SLC12A8: variants seen among roughly 807,000 people sequenced by gnomAD.
The protein encoded by SLC12A8 is solute carrier family 12 member 8.
SLC12A8 carries 69 observed loss-of-function variants against 75.6 expected under a neutral mutation model. The observed-to-expected ratio is 0.91, with a 90% CI of 0.75 to 1.11. SLC12A8 has a LOEUF of 1.11. SLC12A8 is among the 50% of genes most tolerant of loss of function. The probability of loss-of-function intolerance (pLI) is 0.00; values close to 1 mark genes in which losing one functional copy is unlikely to be tolerated. For missense variants in SLC12A8, 877 were observed against 896.7 expected, an observed-to-expected ratio of 0.98 and a Z score of 0.28; for synonymous variants, 365 against 372.8, an observed-to-expected ratio of 0.98 and a Z score of 0.24.
At chr3:125,116,871 G>A (rs938582306) in intron 8 of SLC12A8, among the ~76,000 whole-genome samples, 3 of 152,214 alleles carry the variant, frequency 2.0e-5, no homozygotes, top group African/African-American at 7.2e-5. Flanking sequence ...TTCAATTCCT[G>A]TAATGCAGCC....
intron 4 of SLC12A8, among the ~76,000 whole-genome samples, chr3:125,183,583 A>G (rs1250658532): frequency 3.3e-5 from 5 of 152,174 alleles, no homozygotes; most frequent in Non-Finnish European, 7.3e-5. Flanking sequence ...GGATTAACAC[A>G]TATGTCCTGA....
At chr3:125,086,948 G>A (rs1400274397) in intron 13 of SLC12A8, among the ~76,000 whole-genome samples, 1 of 152,190 alleles carries the variant, frequency 6.6e-6, no homozygotes, top group Non-Finnish European at 1.5e-5. Flanking sequence ...GTGAAGAGTT[G>A]TCTTAAATAG....
chr3:125,193,924 C>T (rs1181536384), intron 2 of SLC12A8, among the ~76,000 whole-genome samples: 1 of 152,202 alleles, frequency 6.6e-6, no homozygotes, highest in Admixed American at 6.5e-5. Flanking sequence ...GGGTAGCTCT[C>T]TTTAGGACCT....
chr3:125,123,519 A>C (rs868759593), intron 6 of SLC12A8: 2 of 152,346 alleles, frequency 1.3e-5, no homozygotes, highest in African/African-American at 4.8e-5. Context: ...AGGCAGCTTT[A>C]ATTGACTCAC....
intron 10 of SLC12A8, among the ~76,000 whole-genome samples, chr3:125,105,885 C>T (rs1939008938): frequency 6.6e-6 from 1 of 152,130 alleles, no homozygotes; most frequent in Non-Finnish European, 1.5e-5. Flanking sequence ...CAAAAATTAG[C>T]TGGGTGTGGT....
At chr3:125,160,699 G>T (rs1173828990) in intron 5 of SLC12A8, among the ~76,000 whole-genome samples, 1 of 152,210 alleles carries the variant, frequency 6.6e-6, no homozygotes, top group Non-Finnish European at 1.5e-5. Context: ...AACTTAGCCT[G>T]CTGGTGGGCT....
chr3:125,192,252 C>T (rs1046478410), intron 2 of SLC12A8, among the ~76,000 whole-genome samples: 1 of 152,066 alleles, frequency 6.6e-6, no homozygotes, highest in African/African-American at 2.4e-5. Context: ...ACGGCAGCCC[C>T]GTGAGGCAGG....
At chr3:125,143,449 C>G (rs1259596332) in intron 5 of SLC12A8, among the ~76,000 whole-genome samples, 1 of 152,222 alleles carries the variant, frequency 6.6e-6, no homozygotes, top group African/African-American at 2.4e-5. Context: ...CTTCCTCGGA[C>G]CACAGTCTCC....
chr3:125,187,477 G>A (rs758144768), intron 3 of SLC12A8, 49 bp from the exon 4 acceptor site: 72 of 1,555,240 alleles, frequency 4.6e-5, no homozygotes, highest in African/African-American at 3.3e-4. Flanking sequence ...AGGAGGCCCC[G>A]CCAGCTCCCT....
At chr3:125,128,844 G>C (rs972697433) in intron 6 of SLC12A8, among the ~76,000 whole-genome samples, 7 of 152,148 alleles carry the variant, frequency 4.6e-5, no homozygotes, top group African/African-American at 1.2e-4. Context: ...CGCCTAGGAG[G>C]GGGGAATGGG....
At chr3:125,134,081 A>G (rs1453557315) in intron 6 of SLC12A8, among the ~76,000 whole-genome samples, 1 of 151,642 alleles carries the variant, frequency 6.6e-6, no homozygotes, top group East Asian at 1.9e-4. Context: ...AGATTCACCT[A>G]TATTGTTGTG....
chr3:125,107,614 G>A lies in SLC12A8; in HGVS notation c.1572C>T (p.Pro524=), dbSNP rs188430957. The change falls in exon 10 of 14, where the codon CCC becomes CCT. Residue 524 remains proline (P), a synonymous_variant. Transcript: ENST00000469902. ...SFPVEISDRL[P]AASWEGQESC... ...ACTCCTGCCCCTCCCAGGAGGCAGC[G>A]GGCAACCTGTCAGAGATCTCGACAG... 2.2e-5 allele frequency: 35 copies of A among 1,614,054 alleles called. No homozygotes were observed. Among genetic ancestry groups the A allele is most frequent in the African/African-American group, 2.1e-4 (16 of 74,926 alleles).
At chr3:125,198,388 C>G (rs1935046849) in intron 2 of SLC12A8, among the ~76,000 whole-genome samples, 1 of 152,134 alleles carries the variant, frequency 6.6e-6, no homozygotes, top group African/African-American at 2.4e-5. Context: ...AATCCCAGCA[C>G]TTTGGGAGGC....
intron 5 of SLC12A8, among the ~76,000 whole-genome samples, chr3:125,164,217 G>A (rs1934239248): frequency 6.6e-6 from 1 of 152,160 alleles, no homozygotes; most frequent in Admixed American, 6.5e-5. Flanking sequence ...AGAGCCAGCG[G>A]GTGCCAGGGG....
chr3:125,178,109 G>T (rs1364112220), intron 4 of SLC12A8, 135 bp from the exon 5 acceptor site: 4 of 734,334 alleles, frequency 5.4e-6, no homozygotes, highest in Non-Finnish European at 9.3e-6. Context: ...CCTGGGACCA[G>T]TGCAGGGTTA....
intron 2 of SLC12A8, among the ~76,000 whole-genome samples, chr3:125,199,291 C>T (rs1490038486): frequency 1.3e-5 from 2 of 152,076 alleles, no homozygotes; most frequent in African/African-American, 4.8e-5. Flanking sequence ...AAAGTGTTAA[C>T]AAGTGGTCAA....
chr3:125,099,129 C>G (rs998159664), intron 10 of SLC12A8, among the ~76,000 whole-genome samples: 1 of 152,198 alleles, frequency 6.6e-6, no homozygotes, highest in Non-Finnish European at 1.5e-5. Flanking sequence ...AAGTGACACA[C>G]AGATCCACTG....
At chr3:125,182,255 A>G (rs1238600177) in intron 4 of SLC12A8, among the ~76,000 whole-genome samples, 1 of 152,118 alleles carries the variant, frequency 6.6e-6, no homozygotes, top group Non-Finnish European at 1.5e-5. Flanking sequence ...GGAGCCCAGG[A>G]GTGCCAGGCT....
intron 5 of SLC12A8, among the ~76,000 whole-genome samples, chr3:125,156,495 C>A (rs760162575): frequency 6.6e-6 from 1 of 152,006 alleles, no homozygotes; most frequent in Admixed American, 6.6e-5. Flanking sequence ...TATAAACTAA[C>A]GAGACAAAAA....
Sources: gnomAD v4.1 joint callset for allele counts (sites outside exome capture counted in the v4.1 genomes callset) on GRCh38, gnomAD v4.1.1 for gene constraint, MANE v1.5 for transcripts, NCBI Gene and HGNC (gene_info 2026-07-23, HGNC 2026-07-21) for gene names.